CUX1: variants seen among roughly 807,000 people sequenced by gnomAD.
CUX1 encodes protein CASP.
Under a neutral mutation model 158.8 loss-of-function variants are expected in CUX1, and 31 were observed. The ratio of observed to expected loss-of-function variants is 0.20; its 90% CI spans 0.15 to 0.26. The LOEUF is 0.26. Ranked by LOEUF, CUX1 falls within the 10% of genes least tolerant of loss-of-function variation. The pLI, the probability that CUX1 is intolerant of heterozygous loss-of-function variation, is 1.00. For missense variants in CUX1, 1,589 were observed against 2,014.6 expected (o/e 0.79, Z 4.04); for synonymous variants, 879 against 862.1 (o/e 1.02, Z -0.34).
At chr7:101,882,942 G>A (rs538688496) in intron 1 of CUX1, among the ~76,000 whole-genome samples, 186 of 152,240 alleles carry the variant, frequency 1.2e-3, no homozygotes, top group African/African-American at 4.1e-3. Flanking sequence ...GGGCCTCTAA[G>A]GCCCTGCTGG....
chr7:102,041,383 T>C (rs1349974380), intron 3 of CUX1, among the ~76,000 whole-genome samples: 1 of 147,364 alleles, frequency 6.8e-6, no homozygotes, highest in Admixed American at 7.0e-5. Context: ...GCCTCCTGAG[T>C]AGCTGGGATT....
intron 2 of CUX1, among the ~76,000 whole-genome samples, chr7:101,973,552 G>T (rs753764559): frequency 1.3e-5 from 2 of 152,066 alleles, no homozygotes; most frequent in Middle Eastern, 3.4e-3. Context: ...TTCATACTGC[G>T]TGCATTCAAT....
At position 102,021,969 on chromosome 7, in the gene CUX1, G is replaced by A. The variant is rs141601919; in HGVS notation, c.142-6129G>A. On this transcript the variant is annotated intron_variant, in intron 2 of 23. Coordinates refer to ENST00000292535, the MANE Select transcript of CUX1 (RefSeq NM_181552.4). ...TTGTGCTGATTCCAGTGAGCCTCTC[G>A]CTCCTGCAGACAGAGGTGAACCTCC... 1.6e-3 allele frequency among the ~76,000 whole-genome samples: 244 copies of A among 152,240 alleles called. 1 individual carries two copies. Among genetic ancestry groups the A allele is most frequent in the African/African-American group, 5.4e-3 (226 of 41,530 alleles).
chr7:102,213,873 C>G (rs1030102012), intron 20 of CUX1, among the ~76,000 whole-genome samples: 2 of 152,200 alleles, frequency 1.3e-5, no homozygotes, highest in African/African-American at 4.8e-5. Flanking sequence ...TGGCTCACAC[C>G]TGTAATCCCA....
intron 8 of CUX1, among the ~76,000 whole-genome samples, chr7:102,147,499 C>G (rs1835147092): frequency 6.6e-6 from 1 of 152,158 alleles, no homozygotes. Context: ...TACTTCTCCC[C>G]CAAGACTATT....
intron 20 of CUX1, among the ~76,000 whole-genome samples, chr7:102,221,908 G>A (rs1004560674): frequency 6.6e-6 from 1 of 152,112 alleles, no homozygotes; most frequent in Non-Finnish European, 1.5e-5. Flanking sequence ...GTCCTTGGAA[G>A]CGAGGTTTTT....
intron 1 of CUX1, among the ~76,000 whole-genome samples, chr7:101,868,020 T>TA (rs890718448): frequency 2.6e-5 from 4 of 151,744 alleles, no homozygotes; most frequent in South Asian, 2.1e-4. Context: ...CTCTCTTTTT[T>TA]AAAAAAAATA....
rs149353730 is a variant in CUX1 at position 101,979,537 on chromosome 7, C to T, written c.142-48561C>T. Among the ~76,000 whole-genome samples the T allele has an allele frequency of 4.2e-3, 639 of 152,346 alleles. 1 individual carries two copies. Among genetic ancestry groups the T allele is most frequent in the Middle Eastern group, 0.01 (3 of 294 alleles). ...TCTAGGGACTTACTCCTAACAGTAA[C>T]TCACAAACCAGCCCCAAATCAGAGC... On this transcript the variant is annotated intron_variant, in intron 2 of 23. Coordinates refer to ENST00000292535, the MANE Select transcript of CUX1 (RefSeq NM_181552.4).
rs900849654 is a variant in CUX1 at position 101,869,541 on chromosome 7, C to T, written c.31-46574C>T. On this transcript the variant is annotated intron_variant, in intron 1 of 23. Transcript: ENST00000292535. The surrounding 1 kb of genome is among the most constrained non-coding windows in gnomAD (Gnocchi z 4.5). Reference sequence around the variant, plus strand: ...GGCTGTGGGGTGAGCACAGCATTTGCGGGGCGCGGGAAGGGAGTGGCTGGT... The same window carrying T: ...GGCTGTGGGGTGAGCACAGCATTTGTGGGGCGCGGGAAGGGAGTGGCTGGT... Among the ~76,000 whole-genome samples the T allele has an allele frequency of 7.8e-5, 11 of 140,808 alleles. No individual in the cohort carries two copies. The highest frequency in any genetic ancestry group is 1.5e-4 in the Non-Finnish European group (10 of 64,722). The allele number at this position is 140,808 out of a possible 152,430, so 92.4% of individuals were successfully genotyped here. A position where few individuals can be genotyped will look rare whatever the true frequency, so the allele number is the denominator to read the frequency against.
intron 8 of CUX1, among the ~76,000 whole-genome samples, chr7:102,144,086 C>T (rs1834762422): frequency 2.0e-5 from 3 of 152,134 alleles, no homozygotes; most frequent in South Asian, 4.1e-4. Flanking sequence ...CCAGCCAGGA[C>T]GGCCACTTCT....
chr7:102,248,278 G>C lies in CUX1; in HGVS notation c.3888-134G>C. The C allele has an allele frequency of 1.3e-6, 1 of 792,356 alleles. No homozygotes were observed. The allele number at this position is 792,356 out of a possible 1,614,324, so 49.1% of individuals were successfully genotyped here. On this transcript the variant is annotated intron_variant, in intron 23 of 23. Transcript: ENST00000292535. The surrounding 1 kb of genome is among the most constrained non-coding windows in gnomAD (Gnocchi z 5.8). ...GGGGCTGCCCCGTGGCCCGAGGGTC[G>C]CTGGAGGGGCACGGAGGGGCCTCCA...
intron 9 of CUX1, among the ~76,000 whole-genome samples, chr7:102,163,545 C>T (rs1035371358): frequency 2.0e-5 from 3 of 151,986 alleles, no homozygotes; most frequent in East Asian, 1.9e-4. Context: ...GAATCGTAGG[C>T]GGGATTGAGA....
At chr7:101,845,294 G>T (rs934909425) in intron 1 of CUX1, among the ~76,000 whole-genome samples, 7 of 152,080 alleles carry the variant, frequency 4.6e-5, no homozygotes, top group Non-Finnish European at 8.8e-5. Flanking sequence ...CCTGTTCTCT[G>T]TATCTCTTAA....
At chr7:102,261,895 T>C (rs1554543954), downstream of CUX1, among the ~76,000 whole-genome samples, 1 of 152,050 alleles carries the variant, frequency 6.6e-6, no homozygotes, top group African/African-American at 2.4e-5. Flanking sequence ...GGCAGGAGGA[T>C]CACTTGAGGC....
chr7:102,073,281 C>T (rs1826360358), intron 4 of CUX1, among the ~76,000 whole-genome samples: 1 of 142,020 alleles, frequency 7.0e-6, no homozygotes. Flanking sequence ...TCAAGCAATT[C>T]TCCTGCCTCA....
At chr7:102,144,642 G>T (rs376437343) in intron 8 of CUX1, among the ~76,000 whole-genome samples, 24 of 142,244 alleles carry the variant, frequency 1.7e-4, no homozygotes, top group African/African-American at 5.9e-4. Context: ...CTACGCTCCA[G>T]CCTGGGTGAC....
chr7:101,836,927 G>A (rs1416249321), intron 1 of CUX1, among the ~76,000 whole-genome samples: 2 of 152,158 alleles, frequency 1.3e-5, no homozygotes, highest in African/African-American at 4.8e-5. Context: ...CTGGGCCCTC[G>A]ATGGCTCTGA....
chr7:101,882,309 G>A (rs564654737), intron 1 of CUX1, among the ~76,000 whole-genome samples: 9 of 152,294 alleles, frequency 5.9e-5, no homozygotes, highest in African/African-American at 1.9e-4. Flanking sequence ...CACTCAGCAC[G>A]CCCTGTTGCG....
intron 1 of CUX1, among the ~76,000 whole-genome samples, chr7:101,898,434 A>C (rs13229243): frequency 0.21 from 31,573 of 152,114 alleles, 5,020 homozygotes; most frequent in East Asian, 0.84. Context: ...GGGACGGGGA[A>C]GTCTCCAATG....
Sources: gnomAD v4.1 joint callset for allele counts (sites outside exome capture counted in the v4.1 genomes callset) on GRCh38, gnomAD v4.1.1 for gene constraint, Gnocchi (gnomAD v3.1) non-coding constraint, MANE v1.5 for transcripts, NCBI Gene and HGNC (gene_info 2026-07-23, HGNC 2026-07-21) for gene names.